ADD3: variants seen among roughly 807,000 people sequenced by gnomAD.
ADD3 encodes adducin 3.
A neutral mutation model predicts 80.2 loss-of-function variants in ADD3; 25 were observed. The ratio of observed to expected loss-of-function variants is 0.31; its 90% CI spans 0.23 to 0.44. The LOEUF (loss-of-function observed/expected upper bound fraction) is 0.44, where lower values mean the gene tolerates loss of function less well. Among genes scored for constraint, ADD3 ranks in the 20% least tolerant of loss-of-function variants. The pLI is 1.00. For synonymous variants in ADD3, 284 were observed against 289.6 expected (o/e 0.98, Z 0.20); for missense variants, 829 against 847.5 (o/e 0.98, Z 0.27).
intron 1 of ADD3, among the ~76,000 whole-genome samples, chr10:110,056,984 G>T (rs976733745): frequency 1.9e-4 from 29 of 152,136 alleles, no homozygotes; most frequent in African/African-American, 6.8e-4. Flanking sequence ...GTCTTTATTT[G>T]AAAGTTCTTT....
chr10:110,073,058 G>GA (rs1402460868), intron 1 of ADD3, among the ~76,000 whole-genome samples: 4 of 150,476 alleles, frequency 2.7e-5, no homozygotes, highest in South Asian at 2.1e-4. Context: ...CACCAGGGAT[G>GA]AAAAAATCAC....
intron 1 of ADD3, among the ~76,000 whole-genome samples, chr10:110,090,165 T>G (rs1847304181): frequency 6.6e-6 from 1 of 152,032 alleles, no homozygotes; most frequent in African/African-American, 2.4e-5. Context: ...GTCTTTAGTC[T>G]TTGAATCACC....
chr10:110,126,083 G>C (rs775526799), intron 11 of ADD3, 138 bp downstream of exon 11: 3 of 891,824 alleles, frequency 3.4e-6, no homozygotes, highest in Non-Finnish European at 5.0e-6. Context: ...TATAATTTTA[G>C]CTTATATTGA....
At chr10:110,035,738 T>C (rs1855560191) in intron 1 of ADD3, among the ~76,000 whole-genome samples, 1 of 152,140 alleles carries the variant, frequency 6.6e-6, no homozygotes, top group Non-Finnish European at 1.5e-5. Context: ...GGCCCGGTAA[T>C]TTGCATTCTC....
chr10:110,042,932 A>G lies in ADD3; in HGVS notation c.-30+34633A>G, dbSNP rs1856535733. On this transcript the variant is annotated intron_variant, in intron 1 of 14. Transcript: ENST00000356080. Reference sequence around the variant, plus strand: ...ACTTTGAGGGGAAAACATAGAATGCATATTTTTCTACTTCAGAGTTTCGGT... The same window carrying G: ...ACTTTGAGGGGAAAACATAGAATGCGTATTTTTCTACTTCAGAGTTTCGGT... 3.3e-5 allele frequency among the ~76,000 whole-genome samples: 5 copies of G among 152,044 alleles called. No homozygotes were observed. The South Asian group carries it at 1.0e-3, about 32-fold the overall frequency.
In ADD3 at chr10:110,131,371, G is replaced by GA. The variant is rs1376789308; in HGVS notation, c.1732+890dup. On this transcript the variant is annotated intron_variant, in intron 13 of 14. Transcript: ENST00000356080. ...GCTTCAGGCAGTCCATGAGCCACCT[G>GA]AAAAATACATGCTTTATTGTTTAAG... is the stretch of plus-strand genomic sequence containing the variant. Among the ~76,000 whole-genome samples the GA allele has an allele frequency of 3.9e-5, 6 of 152,288 alleles. No individual in the cohort carries two copies. In the East Asian group the frequency reaches 1.2e-3, roughly 29 times the overall value.
At chr10:110,031,816 G>T (rs1855060897) in intron 1 of ADD3, among the ~76,000 whole-genome samples, 1 of 151,660 alleles carries the variant, frequency 6.6e-6, no homozygotes, top group African/African-American at 2.4e-5. Context: ...ACATGATTTG[G>T]AATACGTATA....
intron 4 of ADD3, among the ~76,000 whole-genome samples, 192 bp downstream of exon 4, chr10:110,116,602 C>T (rs1850760027): frequency 6.6e-6 from 1 of 152,154 alleles, no homozygotes; most frequent in Admixed American, 6.5e-5. Context: ...TTCTTCTCCC[C>T]TTACTATCTA....
chr10:110,010,704 G>A (rs1159090673), intron 1 of ADD3, among the ~76,000 whole-genome samples: 1 of 152,296 alleles, frequency 6.6e-6, no homozygotes, highest in East Asian at 1.9e-4. Flanking sequence ...ACAACCCAGT[G>A]GCTAAACAGA....
At chr10:110,116,944 T>C (rs1320691426) in intron 4 of ADD3, among the ~76,000 whole-genome samples, 1 of 152,226 alleles carries the variant, frequency 6.6e-6, no homozygotes, top group Non-Finnish European at 1.5e-5. Context: ...CTTCCATCTT[T>C]ATTTTAATTC....
At chr10:110,087,617 A>G (rs140770368) in intron 1 of ADD3, among the ~76,000 whole-genome samples, 17 of 152,306 alleles carry the variant, frequency 1.1e-4, no homozygotes, top group East Asian at 9.6e-4. Context: ...GAAAACCAGA[A>G]TGTTGCATTG....
At chr10:110,063,736 A>AT (rs1491210694) in intron 1 of ADD3, among the ~76,000 whole-genome samples, 1 of 45,798 alleles carries the variant, frequency 2.2e-5, no homozygotes, top group South Asian at 8.9e-4. Context: ...ATATATATTC[A>AT]TTATATATAT....
chr10:110,014,842 T>G (rs1852755298), intron 1 of ADD3, among the ~76,000 whole-genome samples: 1 of 152,100 alleles, frequency 6.6e-6, no homozygotes, highest in Non-Finnish European at 1.5e-5. Flanking sequence ...TTACAGTTTT[T>G]ATTGTCAGAG....
At chr10:110,032,966 G>T (rs141351715) in intron 1 of ADD3, among the ~76,000 whole-genome samples, 3 of 152,272 alleles carry the variant, frequency 2.0e-5, no homozygotes, top group Admixed American at 2.0e-4. Context: ...GAGCCAATTT[G>T]GCTCTCATCC....
At chr10:110,060,644 AT>A (rs1858768593) in intron 1 of ADD3, among the ~76,000 whole-genome samples, 2 of 152,214 alleles carry the variant, frequency 1.3e-5, no homozygotes, top group African/African-American at 4.8e-5. Context: ...CTGGAACAAT[AT>A]TAAACTACTT....
intron 1 of ADD3, among the ~76,000 whole-genome samples, chr10:110,089,648 T>C (rs1847225371): frequency 6.6e-6 from 1 of 152,016 alleles, no homozygotes; most frequent in South Asian, 2.1e-4. Context: ...ATTGCCTTTC[T>C]GTGGTTGATT....
intron 1 of ADD3, among the ~76,000 whole-genome samples, chr10:110,092,171 A>G (rs1301780861): frequency 1.3e-5 from 2 of 152,182 alleles, no homozygotes; most frequent in African/African-American, 4.8e-5. Context: ...TTCTCACAGA[A>G]TTTAAAACAG....
chr10:110,051,815 A>T (rs2133398775), intron 1 of ADD3, among the ~76,000 whole-genome samples: 1 of 152,202 alleles, frequency 6.6e-6, no homozygotes, highest in African/African-American at 2.4e-5. Context: ...TTATTTACTT[A>T]TTTTTGAGAC....
At chr10:109,999,249 C>A (rs1034828834) in intron 1 of ADD3, among the ~76,000 whole-genome samples, 8 of 152,192 alleles carry the variant, frequency 5.3e-5, no homozygotes, top group Non-Finnish European at 8.8e-5. Flanking sequence ...TACCAACACA[C>A]TTTATATTTT....
Sources: gnomAD v4.1 joint callset for allele counts (sites outside exome capture counted in the v4.1 genomes callset) on GRCh38, gnomAD v4.1.1 for gene constraint, MANE v1.5 for transcripts, NCBI Gene and HGNC (gene_info 2026-07-23, HGNC 2026-07-21) for gene names.